The following HSF5 variants were observed in gnomAD, a reference collection of about 807,000 sequenced individuals.
HSF5 encodes the protein heat shock factor protein 5.
A neutral mutation model predicts 50.8 loss-of-function variants in HSF5; 5 were observed. That is an observed-to-expected ratio of 0.10 (90% CI 0.05 to 0.21). The LOEUF (loss-of-function observed/expected upper bound fraction) is 0.21, where lower values mean the gene tolerates loss of function less well. HSF5 is among the 10% of genes least tolerant of loss of function. The pLI is 1.00. For synonymous variants in HSF5, 307 were observed against 307.4 expected (o/e 1.00, Z 0.02); for missense variants, 564 against 762.6 (o/e 0.74, Z 3.07).
rs761975166 is a variant in HSF5 at position 58,480,111 on chromosome 17, C to G, written c.707G>C (p.Gly236Ala). Residue 236 changes from glycine to alanine, a missense_variant, in exon 2 of 6, where the codon GGA (glycine) becomes GCA (alanine). Physicochemically the swap from Gly to Ala is moderately conservative, Grantham distance 60. Coordinates refer to ENST00000323777, the MANE Select transcript of HSF5 (RefSeq NM_001080439.3). The part of the protein sequence containing the change: ...VPHRIWQNSL[G>A]MHPGQVETSP... ...TGTCTCCACTTGTCCAGGATGCATT[C>G]CAAGGGAGTTCTGCCATATTCTATG... 1 of 1,614,086 alleles carries G rather than the reference C, an allele frequency of 6.2e-7. No individual in the cohort carries two copies.
At chr17:58,485,671 C>G (rs1316188274) in intron 1 of HSF5, among the ~76,000 whole-genome samples, 1 of 148,360 alleles carries the variant, frequency 6.7e-6, no homozygotes, top group African/African-American at 2.5e-5. Context: ...CCCTTGAGCC[C>G]GGGAGGTGGA....
At chr17:58,469,138 A>T (rs557908240) in intron 2 of HSF5, among the ~76,000 whole-genome samples, 147 of 151,656 alleles carry the variant, frequency 9.7e-4, no homozygotes, top group African/African-American at 3.4e-3. Context: ...GAGTTATAGC[A>T]GCTAAGGAAA....
rs747005951 is a variant in HSF5, at chr17:58,488,097, C to A, written c.178G>T (p.Gly60Cys). Residue 60 changes from glycine to cysteine, a missense_variant, in exon 1 of 6, where the codon GGC (glycine) becomes TGC (cysteine). Coordinates refer to ENST00000323777, the MANE Select transcript of HSF5 (RefSeq NM_001080439.3). This position sits in a 1 kb window ranked among gnomAD's most constrained non-coding sequence, Gnocchi z 4.1. ...LLSPPGPGGGGGTAGAGAEPE... is the reference protein window; with the variant it reads ...LLSPPGPGGGCGTAGAGAEPE... ...TCGGCCCCGGCCCCCGCAGTCCCGC[C>A]ACCGCCCCCCGGCCCGGGCGGGCTG... is the stretch of plus-strand genomic sequence containing the variant. The A allele has an allele frequency of 5.1e-6, 8 of 1,571,140 alleles. No homozygotes were observed. The South Asian group carries it at 9.1e-5, about 18-fold the overall frequency.
At chr17:58,443,418 CA>C (rs1431411106) in intron 5 of HSF5, among the ~76,000 whole-genome samples, 1 of 152,074 alleles carries the variant, frequency 6.6e-6, no homozygotes, top group Admixed American at 6.6e-5. Flanking sequence ...TTCTACCTAC[CA>C]ACGCTCTTCA....
intron 5 of HSF5, among the ~76,000 whole-genome samples, chr17:58,457,547 C>A (rs918047320): frequency 1.1e-4 from 16 of 150,706 alleles, no homozygotes; most frequent in African/African-American, 3.7e-4. Flanking sequence ...TGCAGTGAGC[C>A]AAGATGCGCC....
intron 5 of HSF5, among the ~76,000 whole-genome samples, chr17:58,448,044 G>A (rs1974583148): frequency 6.9e-6 from 1 of 144,688 alleles, no homozygotes; most frequent in Non-Finnish European, 1.5e-5. Context: ...TGAGACATGA[G>A]AATCACTTGA....
At chr17:58,442,645 GA>G (rs1167929669) in intron 5 of HSF5, among the ~76,000 whole-genome samples, 2 of 152,126 alleles carry the variant, frequency 1.3e-5, no homozygotes, top group East Asian at 3.9e-4. Context: ...ATTAACATTT[GA>G]AAAATAAGCC....
chr17:58,465,052 C>T (rs1974842568), intron 3 of HSF5, among the ~76,000 whole-genome samples: 1 of 150,832 alleles, frequency 6.6e-6, no homozygotes, highest in African/African-American at 2.4e-5. Flanking sequence ...GTGGGAGGAT[C>T]GCTTGATCCT....
At chr17:58,476,846 A>G (rs1598201098) in intron 2 of HSF5, 1 of 1,459,930 alleles carries the variant, frequency 6.8e-7, no homozygotes, top group South Asian at 1.2e-5. Flanking sequence ...GATTTCATCA[A>G]TGTGTTCAAT....
rs901079781 is a variant in HSF5 at position 58,422,080 on chromosome 17, C to G, written c.*280G>C. ...GGAGCAGTTTTTAGATGCTCCTTGA[C>G]TATAACAGAAGGTCAGAACTTTTCA... On this transcript the variant is annotated 3_prime_UTR_variant, in exon 6 of 6. Coordinates refer to ENST00000323777, the MANE Select transcript of HSF5 (RefSeq NM_001080439.3). 2 of 336,128 alleles carry G rather than the reference C, an allele frequency of 6.0e-6. No individual in the cohort carries two copies. The highest frequency in any genetic ancestry group is 1.1e-5 in the Non-Finnish European group (2 of 181,250). 20.8% of individuals were successfully genotyped at this position (336,128 alleles called of 1,614,324 possible).
At chr17:58,480,772 T>G (rs188951812) in intron 1 of HSF5, among the ~76,000 whole-genome samples, 1 of 149,640 alleles carries the variant, frequency 6.7e-6, no homozygotes, top group Non-Finnish European at 1.5e-5. Context: ...GCTATCTATC[T>G]ATCTATCTAT....
chr17:58,477,116 CT>C (rs34246837), intron 2 of HSF5, among the ~76,000 whole-genome samples: 2,738 of 133,722 alleles, frequency 0.02, 49 homozygotes, highest in South Asian at 0.077. Context: ...TATATATATA[CT>C]TTTTTTTTTT....
intron 3 of HSF5, among the ~76,000 whole-genome samples, chr17:58,463,595 A>G (rs1974824261): frequency 6.6e-6 from 1 of 152,228 alleles, no homozygotes. Flanking sequence ...CCAAATACCT[A>G]TTTGCTGATA....
intron 2 of HSF5, chr17:58,476,770 A>T (rs527826179): frequency 1.3e-6 from 2 of 1,598,048 alleles, no homozygotes; most frequent in Non-Finnish European, 1.7e-6. Flanking sequence ...GGAGTTTGTT[A>T]TATTTCTGTT....
At position 58,487,819 on chromosome 17, in the gene HSF5, G is replaced by A. The variant is rs1598206544; in HGVS notation, c.456C>T (p.Phe152=). ...AGGCCGAGGTGATGAGCAGCCGCTG[G>A]AAGCGGTTGGGCGGGCGGCAGGGCA... ...LEVPCRPPNR[F]QRLLITSASA... is the part of the protein sequence containing the mutation. The change falls in exon 1 of 6, where the codon TTC becomes TTT. Residue 152 remains phenylalanine (F), a synonymous_variant. Transcript: ENST00000323777. 6.4e-7 allele frequency: 1 copy of A among 1,571,820 alleles called. No homozygotes were observed. Among genetic ancestry groups the A allele is most frequent in the Non-Finnish European group, 8.6e-7 (1 of 1,167,650 alleles).
At position 58,488,072 on chromosome 17, in the gene HSF5, T is replaced by TCGGCGC. The variant is rs1555645034; in HGVS notation, c.202_203insGCGCCG (p.Gly66_Ala67dup). ...GCTGGTGGTTTTGAAGAGCTCGGGC[T>TCGGCGC]CGGCCCCGGCCCCCGCAGTCCCGCC... is the stretch of plus-strand genomic sequence containing the variant. On this transcript the variant is annotated inframe_insertion, in exon 1 of 6. Transcript: ENST00000323777. This position sits in a 1 kb window ranked among gnomAD's most constrained non-coding sequence, Gnocchi z 4.1. 3.2e-6 allele frequency: 5 copies of TCGGCGC among 1,578,722 alleles called. No homozygotes were observed. In the African/African-American group the frequency reaches 5.5e-5, roughly 17 times the overall value.
chr17:58,465,016 G>A (rs1172212542), intron 3 of HSF5, among the ~76,000 whole-genome samples: 7 of 148,734 alleles, frequency 4.7e-5, no homozygotes, highest in Admixed American at 3.4e-4. Flanking sequence ...GCTCACTATA[G>A]CCTCAAACTC....
chr17:58,465,692 C>A (rs1567914719), intron 3 of HSF5, among the ~76,000 whole-genome samples: 1 of 151,198 alleles, frequency 6.6e-6, no homozygotes, highest in African/African-American at 2.4e-5. Flanking sequence ...CTCCTAAGAA[C>A]TGAGACTATC....
intron 4 of HSF5, among the ~76,000 whole-genome samples, chr17:58,461,881 T>A (rs576142209): frequency 1.9e-4 from 29 of 152,016 alleles, no homozygotes; most frequent in Non-Finnish European, 3.1e-4. Context: ...AAAAAAAAAA[T>A]TTCTTTTTAA....
Sources: allele counts gnomAD v4.1 joint callset (sites outside exome capture counted in the v4.1 genomes callset), GRCh38; gene constraint gnomAD v4.1.1; non-coding constraint Gnocchi (gnomAD v3.1); transcripts MANE v1.5; gene names NCBI Gene and HGNC (gene_info 2026-07-23, HGNC 2026-07-21).